Variants in CSMD1 observed in about 807,000 individuals in gnomAD.
The protein encoded by CSMD1 is CUB and Sushi multiple domains 1, also known as CUB and sushi domain-containing protein 1.
In CSMD1, 213 loss-of-function variants were observed where a neutral mutation model predicts 417.5. The observed-to-expected ratio is 0.51, with a 90% CI of 0.46 to 0.57. The LOEUF is 0.57. CSMD1 is among the 20% of genes least tolerant of loss of function. The pLI, the probability that CSMD1 is intolerant of heterozygous loss-of-function variation, is 0.00. For missense variants in CSMD1, 6,923 were observed against 4,529.7 expected (o/e 1.53, Z -15.17); for synonymous variants, 2,862 against 1,736.8 (o/e 1.65, Z -16.11).
At chr8:4,065,622 A>G (rs908341543) in intron 3 of CSMD1, among the ~76,000 whole-genome samples, 1 of 152,200 alleles carries the variant, frequency 6.6e-6, no homozygotes, top group African/African-American at 2.4e-5. Context: ...TCATGAATGA[A>G]GCTCATGCAC....
chr8:4,768,001 C>T (rs1276927082), intron 1 of CSMD1, among the ~76,000 whole-genome samples: 1 of 151,862 alleles, frequency 6.6e-6, no homozygotes, highest in African/African-American at 2.4e-5. Context: ...GGTGGGCATT[C>T]AATTCACATT....
intron 3 of CSMD1, among the ~76,000 whole-genome samples, chr8:4,150,367 G>C (rs1796506119): frequency 6.6e-6 from 1 of 152,180 alleles, no homozygotes; most frequent in Non-Finnish European, 1.5e-5. Flanking sequence ...GTCTGCAGCT[G>C]TCTTTTGTGC....
rs11781180 is a variant in CSMD1, at chr8:4,206,983, A to T, written c.416-174884T>A. On this transcript the variant is annotated intron_variant, in intron 3 of 69. Transcript: ENST00000635120. ...TCATATAGATGTGGATAAAATTATA[A>T]ATCTATAAAAATGTTTTAGTAGATA... Among the ~76,000 whole-genome samples the T allele has an allele frequency of 2.6e-5, 4 of 152,256 alleles. 1 individual carries two copies. The South Asian group carries it at 6.2e-4, about 24-fold the overall frequency.
chr8:4,241,692 G>A (rs776755393), intron 3 of CSMD1, among the ~76,000 whole-genome samples: 1 of 144,800 alleles, frequency 6.9e-6, no homozygotes, highest in Non-Finnish European at 1.5e-5. Flanking sequence ...ATGGGATTTG[G>A]AGTGATTTTT....
At chr8:3,241,859 C>G (rs191889550) in intron 26 of CSMD1, among the ~76,000 whole-genome samples, 4 of 151,850 alleles carry the variant, frequency 2.6e-5, no homozygotes, top group Non-Finnish European at 4.4e-5. Flanking sequence ...ACCTTGAAGG[C>G]GACGTTAATT....
chr8:3,587,867 G>T (rs1171122926), intron 8 of CSMD1, among the ~76,000 whole-genome samples: 4 of 152,034 alleles, frequency 2.6e-5, no homozygotes, highest in African/African-American at 9.7e-5. Context: ...GACAACTAGA[G>T]TTCTATGGAA....
At chr8:4,722,609 C>A (rs1809130722) in intron 1 of CSMD1, among the ~76,000 whole-genome samples, 3 of 152,084 alleles carry the variant, frequency 2.0e-5, no homozygotes, top group African/African-American at 7.2e-5. Flanking sequence ...CCCTGAACTA[C>A]AGGGTGCATA....
chr8:3,330,171 T>G (rs960696774), intron 23 of CSMD1, among the ~76,000 whole-genome samples: 2 of 152,154 alleles, frequency 1.3e-5, no homozygotes, highest in Admixed American at 6.5e-5. Flanking sequence ...ATTGATAAAC[T>G]TCTTCAATTA....
intron 1 of CSMD1, among the ~76,000 whole-genome samples, chr8:4,890,109 C>G (rs1163448569): frequency 6.6e-6 from 1 of 152,080 alleles, no homozygotes; most frequent in Non-Finnish European, 1.5e-5. Flanking sequence ...AGAAAGAAAA[C>G]TATTTTATGA....
intron 23 of CSMD1, among the ~76,000 whole-genome samples, chr8:3,314,349 G>A (rs56125758): frequency 6.6e-6 from 1 of 152,126 alleles, no homozygotes; most frequent in Non-Finnish European, 1.5e-5. Flanking sequence ...GTGAATTTAA[G>A]AGACTTTTGA....
intron 4 of CSMD1, among the ~76,000 whole-genome samples, chr8:4,021,771 G>C (rs1245884250): frequency 6.6e-6 from 1 of 151,990 alleles, no homozygotes; most frequent in Non-Finnish European, 1.5e-5. Context: ...TTTATCTTGA[G>C]TGACAAATGA....
intron 3 of CSMD1, among the ~76,000 whole-genome samples, chr8:4,334,755 C>T (rs1157557244): frequency 1.3e-5 from 2 of 152,112 alleles, no homozygotes; most frequent in Non-Finnish European, 2.9e-5. Context: ...CTCGACTCTA[C>T]TGTGTAGTTG....
chr8:3,009,172 C>T (rs958080505), intron 52 of CSMD1, among the ~76,000 whole-genome samples: 3 of 152,222 alleles, frequency 2.0e-5, no homozygotes, highest in Non-Finnish European at 4.4e-5. Context: ...AGGTCTCCCA[C>T]ACACGCACTT....
At chr8:4,368,070 G>A (rs556380738) in intron 3 of CSMD1, among the ~76,000 whole-genome samples, 27 of 152,220 alleles carry the variant, frequency 1.8e-4, no homozygotes, top group African/African-American at 4.6e-4. Flanking sequence ...GTCAAAGTGC[G>A]CATCCTTGTC....
intron 12 of CSMD1, among the ~76,000 whole-genome samples, chr8:3,439,309 A>ATATATATATATATATTTTTTTTT: frequency 6.4e-5 from 4 of 62,456 alleles, no homozygotes; most frequent in African/African-American, 1.3e-4. Context: ...ATATATATAT[A>ATATATATATATATATTTTTTTTT]TTTTTTTTTT....
At chr8:3,316,832 G>A (rs1030700498) in intron 23 of CSMD1, among the ~76,000 whole-genome samples, 1 of 152,090 alleles carries the variant, frequency 6.6e-6, no homozygotes, top group Non-Finnish European at 1.5e-5. Context: ...ACAGGAAACT[G>A]ACACAAGTAT....
intron 7 of CSMD1, among the ~76,000 whole-genome samples, chr8:3,669,517 G>A (rs1480146235): frequency 2.6e-5 from 4 of 152,186 alleles, no homozygotes; most frequent in Non-Finnish European, 5.9e-5. Flanking sequence ...CAAGTCCCAA[G>A]TTAATGAATC....
At chr8:4,905,969 T>C (rs73505892) in intron 1 of CSMD1, among the ~76,000 whole-genome samples, 3,333 of 152,248 alleles carry the variant, frequency 0.022, 110 homozygotes, top group African/African-American at 0.076. Context: ...CTTCCTGCCT[T>C]CAAATACTTT....
chr8:4,202,575 C>T (rs761722498), intron 3 of CSMD1, among the ~76,000 whole-genome samples: 2 of 152,152 alleles, frequency 1.3e-5, no homozygotes, highest in Non-Finnish European at 2.9e-5. Context: ...CTCCTGTATT[C>T]ATTCAAAAAA....
Sources: gnomAD v4.1 joint callset for allele counts (sites outside exome capture counted in the v4.1 genomes callset) on GRCh38, gnomAD v4.1.1 for gene constraint, MANE v1.5 for transcripts, NCBI Gene and HGNC (gene_info 2026-07-23, HGNC 2026-07-21) for gene names.